Variants in ATF6 observed in about 807,000 individuals in gnomAD.
ATF6 encodes activating transcription factor 6.
A neutral mutation model predicts 83.6 loss-of-function variants in ATF6; 53 were observed. The observed-to-expected ratio is 0.63, with a 90% CI of 0.51 to 0.80. ATF6 has a LOEUF of 0.80. Ranked by LOEUF, ATF6 falls within the 30% of genes least tolerant of loss-of-function variation. ATF6 has a pLI of 0.00. For missense variants in ATF6, 744 were observed against 797.9 expected, an observed-to-expected ratio of 0.93 and a Z score of 0.81; for synonymous variants, 288 against 285.8, an observed-to-expected ratio of 1.01 and a Z score of -0.08.
chr1:161,933,950 G>A (rs1056513214), intron 15 of ATF6, among the ~76,000 whole-genome samples: 1 of 152,160 alleles, frequency 6.6e-6, no homozygotes, highest in African/African-American at 2.4e-5. Flanking sequence ...CTACCATAAA[G>A]AAGCATCCCA....
intron 9 of ATF6, among the ~76,000 whole-genome samples, chr1:161,832,400 C>T (rs944643989): frequency 6.6e-6 from 1 of 152,122 alleles, no homozygotes; most frequent in Non-Finnish European, 1.5e-5. Flanking sequence ...GAGTGCCAGA[C>T]AGTGGGTGCA....
intron 15 of ATF6, among the ~76,000 whole-genome samples, chr1:161,942,913 T>C (rs1001667667): frequency 1.3e-5 from 2 of 152,204 alleles, no homozygotes; most frequent in African/African-American, 4.8e-5. Flanking sequence ...TGGAGTGCAG[T>C]GGCGCAATCT....
At chr1:161,895,533 A>G (rs1571221171) in intron 14 of ATF6, among the ~76,000 whole-genome samples, 1 of 152,188 alleles carries the variant, frequency 6.6e-6, no homozygotes, top group Non-Finnish European at 1.5e-5. Flanking sequence ...TCCCCCAAAT[A>G]TTTTTAAGGC....
intron 14 of ATF6, among the ~76,000 whole-genome samples, chr1:161,896,376 C>T (rs1343995070): frequency 1.3e-5 from 2 of 152,164 alleles, no homozygotes; most frequent in Admixed American, 6.5e-5. Context: ...AAATTACAGG[C>T]GTGAGCCACC....
At chr1:161,924,583 A>C (rs1463412730) in intron 15 of ATF6, among the ~76,000 whole-genome samples, 1 of 152,228 alleles carries the variant, frequency 6.6e-6, no homozygotes, top group Non-Finnish European at 1.5e-5. Context: ...TATTAATTTT[A>C]CAGAAACAAA....
At chr1:161,820,742 G>A (rs576402067) in intron 8 of ATF6, among the ~76,000 whole-genome samples, 10 of 151,898 alleles carry the variant, frequency 6.6e-5, no homozygotes, top group Non-Finnish European at 1.2e-4. Flanking sequence ...GTGACACTCC[G>A]TCTCAAAAAA....
At chr1:161,943,625 G>A (rs1558035190) in intron 15 of ATF6, among the ~76,000 whole-genome samples, 1 of 152,056 alleles carries the variant, frequency 6.6e-6, no homozygotes, top group Non-Finnish European at 1.5e-5. Flanking sequence ...TCCTGCCTCA[G>A]GGCCTCTATA....
intron 6 of ATF6, 111 bp downstream of exon 6, chr1:161,792,438 A>G: frequency 9.3e-7 from 1 of 1,075,148 alleles, no homozygotes. Flanking sequence ...GCTGTTTGTC[A>G]GGAATGTCTT....
chr1:161,801,051 A>T (rs981264328), intron 6 of ATF6, among the ~76,000 whole-genome samples: 1 of 152,128 alleles, frequency 6.6e-6, no homozygotes, highest in African/African-American at 2.4e-5. Flanking sequence ...AATACTTAGG[A>T]CCAGAAGTGT....
intron 12 of ATF6, among the ~76,000 whole-genome samples, chr1:161,855,452 A>T (rs1375247839): frequency 6.6e-6 from 1 of 152,190 alleles, no homozygotes; most frequent in African/African-American, 2.4e-5. Context: ...AAGTATGTTA[A>T]GTTTGTTATG....
In ATF6 at chr1:161,926,435, G is replaced by A. The variant is rs6664024; in HGVS notation, c.1804+14055G>A. Among the ~76,000 whole-genome samples the A allele has an allele frequency of 3.2e-3, 482 of 152,262 alleles. 2 individuals carry two copies. The highest frequency in any genetic ancestry group is 0.011 in the African/African-American group (473 of 41,544). On this transcript the variant is annotated intron_variant, in intron 15 of 15. Transcript: ENST00000367942. ...GAAGACTTGATTGGGTCTCAGGGAT[G>A]TGCCTCCACATTCACTCACGCAGCA... is the stretch of plus-strand genomic sequence containing the variant.
intron 4 of ATF6, among the ~76,000 whole-genome samples, chr1:161,787,791 T>C (rs570945342): frequency 1.3e-5 from 2 of 152,226 alleles, no homozygotes; most frequent in Non-Finnish European, 2.9e-5. Flanking sequence ...ACTATCAAAA[T>C]GATTATTCTA....
intron 9 of ATF6, among the ~76,000 whole-genome samples, chr1:161,842,035 C>G (rs1229627921): frequency 6.6e-6 from 1 of 152,094 alleles, no homozygotes; most frequent in Non-Finnish European, 1.5e-5. Context: ...TCTTTACAAA[C>G]CTTAAAGTAT....
chr1:161,939,517 A>G (rs1417337739), intron 15 of ATF6, among the ~76,000 whole-genome samples: 1 of 152,232 alleles, frequency 6.6e-6, no homozygotes, highest in Non-Finnish European at 1.5e-5. Context: ...GTGCCTAAAC[A>G]AGATGAAAGT....
chr1:161,797,841 A>C (rs1032417851), intron 6 of ATF6, among the ~76,000 whole-genome samples: 3 of 152,236 alleles, frequency 2.0e-5, no homozygotes, highest in Admixed American at 6.5e-5. Context: ...CATGGAACTG[A>C]AAAAGAGCCT....
chr1:161,822,932 A>T (rs1331518458), intron 9 of ATF6, among the ~76,000 whole-genome samples: 1 of 152,160 alleles, frequency 6.6e-6, no homozygotes, highest in African/African-American at 2.4e-5. Flanking sequence ...TAGTTTAAAA[A>T]TTTTGGTTTT....
At chr1:161,798,555 T>C (rs962322354) in intron 6 of ATF6, among the ~76,000 whole-genome samples, 1 of 152,156 alleles carries the variant, frequency 6.6e-6, no homozygotes, top group Non-Finnish European at 1.5e-5. Flanking sequence ...GCAGGTGCAG[T>C]GAGCTGAGAT....
At chr1:161,875,924 T>C (rs909301197) in intron 14 of ATF6, among the ~76,000 whole-genome samples, 1 of 151,954 alleles carries the variant, frequency 6.6e-6, no homozygotes, top group Admixed American at 6.6e-5. Flanking sequence ...AAAGACTTCC[T>C]TCAATTACAT....
rs1377833089 is a variant in ATF6 at position 161,916,897 on chromosome 1, C to T, written c.1804+4517C>T. On this transcript the variant is annotated intron_variant, in intron 15 of 15. Transcript: ENST00000367942. ...AAATTCCCTCATGCTCCTTTCCAGT[C>T]GTTCCCCTCCTGTACATTTTTGACA... is the stretch of plus-strand genomic sequence containing the variant. Among the ~76,000 whole-genome samples, 6 of 152,162 alleles carry T rather than the reference C, an allele frequency of 3.9e-5. No individual in the cohort carries two copies. The East Asian group carries it at 9.6e-4, about 24-fold the overall frequency.
Sources: gnomAD v4.1 joint callset for allele counts (sites outside exome capture counted in the v4.1 genomes callset) on GRCh38, gnomAD v4.1.1 for gene constraint, MANE v1.5 for transcripts, NCBI Gene and HGNC (gene_info 2026-07-23, HGNC 2026-07-21) for gene names.